Variants in NRXN3 observed in about 807,000 individuals in gnomAD.
NRXN3 encodes the protein neurexin 3.
A neutral mutation model predicts 137.6 loss-of-function variants in NRXN3; 32 were observed. That is an observed-to-expected ratio of 0.23 (90% CI 0.18 to 0.31). The LOEUF is 0.31. Ranked by LOEUF, NRXN3 falls within the 10% of genes least tolerant of loss-of-function variation. The pLI, the probability that NRXN3 is intolerant of heterozygous loss-of-function variation, is 1.00. For synonymous variants in NRXN3, 798 were observed against 784.5 expected (o/e 1.02, Z -0.29); for missense variants, 1,574 against 2,062.5 (o/e 0.76, Z 4.59).
chr14:78,457,095 G>A (rs2094762547), intron 4 of NRXN3, among the ~76,000 whole-genome samples: 1 of 148,866 alleles, frequency 6.7e-6, no homozygotes, highest in Non-Finnish European at 1.5e-5. Context: ...CTGGAGTGCG[G>A]TGGTTCAATC....
chr14:79,095,768 T>G (rs2050197660), intron 15 of NRXN3, among the ~76,000 whole-genome samples: 1 of 152,210 alleles, frequency 6.6e-6, no homozygotes, highest in South Asian at 2.1e-4. Flanking sequence ...TTACTTTGCC[T>G]TCTGGATTTT....
At chr14:79,212,468 A>T (rs2067819985) in intron 15 of NRXN3, among the ~76,000 whole-genome samples, 1 of 152,202 alleles carries the variant, frequency 6.6e-6, no homozygotes, top group African/African-American at 2.4e-5. Context: ...AGGTGTTATG[A>T]AAACAGAGAT....
chr14:78,673,732 G>A (rs746968156), intron 6 of NRXN3, among the ~76,000 whole-genome samples: 5 of 152,096 alleles, frequency 3.3e-5, no homozygotes, highest in African/African-American at 7.2e-5. Flanking sequence ...TCCTAAGGGC[G>A]CTAATCCCAC....
chr14:79,617,235 G>C lies in NRXN3; in HGVS notation c.3445-46543G>C, dbSNP rs190491132. On this transcript the variant is annotated intron_variant, in intron 16 of 20. Coordinates refer to ENST00000335750, the MANE Select transcript of NRXN3 (RefSeq NM_001330195.2). ...TTATATAAAGAGCGTTTGTTGCCTG[G>C]GTTGTATGCCTGTAGAATACATTCA... Among the ~76,000 whole-genome samples the C allele has an allele frequency of 1.2e-4, 18 of 152,168 alleles. No individual in the cohort carries two copies. In the East Asian group the frequency reaches 3.5e-3, roughly 29 times the overall value.
intron 4 of NRXN3, among the ~76,000 whole-genome samples, chr14:78,644,716 T>A (rs1034375706): frequency 6.6e-6 from 1 of 152,134 alleles, no homozygotes. Context: ...AGCTAGAGAG[T>A]CCTTTGTCAG....
chr14:78,363,390 A>G (rs374221028), intron 4 of NRXN3, among the ~76,000 whole-genome samples: 2 of 152,234 alleles, frequency 1.3e-5, no homozygotes, highest in African/African-American at 4.8e-5. Context: ...ATTGTGAAGA[A>G]GAGAACTTTT....
chr14:78,940,557 G>A (rs2099351131), intron 10 of NRXN3, among the ~76,000 whole-genome samples: 1 of 152,128 alleles, frequency 6.6e-6, no homozygotes, highest in Non-Finnish European at 1.5e-5. Flanking sequence ...TGTCCAGTGT[G>A]TTATAAATAA....
At chr14:78,706,360 A>C (rs927591362) in intron 6 of NRXN3, among the ~76,000 whole-genome samples, 1 of 152,236 alleles carries the variant, frequency 6.6e-6, no homozygotes, top group Non-Finnish European at 1.5e-5. Context: ...GGATCCTGCA[A>C]TATTTCCCTT....
At chr14:79,163,207 T>G (rs956027919) in intron 15 of NRXN3, among the ~76,000 whole-genome samples, 1 of 151,926 alleles carries the variant, frequency 6.6e-6, no homozygotes, top group African/African-American at 2.4e-5. Flanking sequence ...GCAATTATAG[T>G]CTATGCTCAC....
At chr14:78,709,180 A>G in intron 6 of NRXN3, 37 bp from the exon 7 acceptor site, 2 of 1,574,332 alleles carry the variant, frequency 1.3e-6, no homozygotes, top group Non-Finnish European at 1.7e-6. Flanking sequence ...TGTTTGCAAG[A>G]TTGATTCACA....
At chr14:79,528,755 A>T (rs916985361) in intron 16 of NRXN3, among the ~76,000 whole-genome samples, 5 of 152,232 alleles carry the variant, frequency 3.3e-5, no homozygotes, top group African/African-American at 1.2e-4. Flanking sequence ...CCTAAACATG[A>T]TGTGCCTTTT....
At chr14:78,435,562 T>G (rs1198815457) in intron 4 of NRXN3, among the ~76,000 whole-genome samples, 1 of 152,210 alleles carries the variant, frequency 6.6e-6, no homozygotes, top group Non-Finnish European at 1.5e-5. Context: ...AGGATGTACT[T>G]AGAGCAATAA....
At chr14:79,477,773 C>G (rs2096572761) in intron 16 of NRXN3, among the ~76,000 whole-genome samples, 1 of 151,922 alleles carries the variant, frequency 6.6e-6, no homozygotes, top group African/African-American at 2.4e-5. Context: ...AAGACTTATT[C>G]TATGATGATG....
chr14:79,493,269 C>T (rs2096734569), intron 16 of NRXN3, among the ~76,000 whole-genome samples: 1 of 152,184 alleles, frequency 6.6e-6, no homozygotes, highest in Admixed American at 6.5e-5. Context: ...GATTTCTTTT[C>T]TTCCCCCTCC....
intron 4 of NRXN3, among the ~76,000 whole-genome samples, chr14:78,351,064 C>T (rs1376504178): frequency 6.6e-6 from 1 of 152,170 alleles, no homozygotes; most frequent in African/African-American, 2.4e-5. Flanking sequence ...TGGCATTTAT[C>T]ACAGTAGTCC....
intron 4 of NRXN3, among the ~76,000 whole-genome samples, chr14:78,515,722 A>T (rs914821005): frequency 2.0e-5 from 3 of 152,094 alleles, no homozygotes; most frequent in African/African-American, 7.2e-5. Context: ...AGTTTCGTGA[A>T]AAACAGAGTT....
chr14:79,249,763 C>G (rs1415574241), intron 15 of NRXN3, among the ~76,000 whole-genome samples: 1 of 152,144 alleles, frequency 6.6e-6, no homozygotes, highest in Non-Finnish European at 1.5e-5. Flanking sequence ...CAGCTTATAG[C>G]AGTCAGCCTT....
At chr14:78,455,568 T>G (rs1431850517) in intron 4 of NRXN3, among the ~76,000 whole-genome samples, 2 of 152,224 alleles carry the variant, frequency 1.3e-5, no homozygotes, top group Admixed American at 6.5e-5. Flanking sequence ...GAGTTCTTAA[T>G]GAAGATGTTA....
chr14:78,561,123 A>G (rs1200117080), intron 4 of NRXN3, among the ~76,000 whole-genome samples: 1 of 152,200 alleles, frequency 6.6e-6, no homozygotes, highest in African/African-American at 2.4e-5. Flanking sequence ...AGGGACCTAT[A>G]CGCTCAGAAG....
Sources: gnomAD v4.1 joint callset for allele counts (sites outside exome capture counted in the v4.1 genomes callset) on GRCh38, gnomAD v4.1.1 for gene constraint, MANE v1.5 for transcripts, NCBI Gene and HGNC (gene_info 2026-07-23, HGNC 2026-07-21) for gene names.